CDKAL1: variants seen among roughly 807,000 people sequenced by gnomAD.
CDKAL1 encodes the protein threonylcarbamoyladenosine tRNA methylthiotransferase.
A neutral mutation model predicts 68.2 loss-of-function variants in CDKAL1; 32 were observed. The observed-to-expected ratio is 0.47, with a 90% CI of 0.35 to 0.63. The LOEUF (loss-of-function observed/expected upper bound fraction) is 0.63. Among genes scored for constraint, CDKAL1 ranks in the 30% least tolerant of loss-of-function variants. The pLI is 0.00. For synonymous variants in CDKAL1, 234 were observed against 244.3 expected (o/e 0.96, Z 0.39); for missense variants, 606 against 696.7 (o/e 0.87, Z 1.47).
At chr6:20,682,415 G>C (rs1223349366) in intron 5 of CDKAL1, among the ~76,000 whole-genome samples, 8 of 152,138 alleles carry the variant, frequency 5.3e-5, no homozygotes, top group Admixed American at 5.2e-4. Flanking sequence ...ATTGACCCAG[G>C]GTTCCACAGC....
intron 9 of CDKAL1, among the ~76,000 whole-genome samples, chr6:20,901,137 G>A (rs1761941284): frequency 6.6e-6 from 1 of 152,090 alleles, no homozygotes; most frequent in Non-Finnish European, 1.5e-5. Flanking sequence ...ACAGGAGAAC[G>A]GGCATGTGTC....
chr6:20,810,627 G>GT (rs1776769287), intron 8 of CDKAL1, among the ~76,000 whole-genome samples: 2 of 134,672 alleles, frequency 1.5e-5, no homozygotes, highest in South Asian at 2.7e-4. Context: ...TGTATGTATG[G>GT]GTGTGTGTGT....
intron 11 of CDKAL1, among the ~76,000 whole-genome samples, chr6:21,010,322 G>A (rs1459690054): frequency 6.6e-6 from 1 of 152,206 alleles, no homozygotes; most frequent in Non-Finnish European, 1.5e-5. Flanking sequence ...TTAACATGTT[G>A]TGAAGCTATT....
At chr6:20,741,048 T>C (rs551285968) in intron 6 of CDKAL1, among the ~76,000 whole-genome samples, 2 of 152,094 alleles carry the variant, frequency 1.3e-5, no homozygotes, top group Admixed American at 1.3e-4. Flanking sequence ...ATTTCTCTAG[T>C]ATGGCAAAAG....
chr6:21,217,442 G>C (rs1044776582), intron 15 of CDKAL1, among the ~76,000 whole-genome samples: 6 of 151,032 alleles, frequency 4.0e-5, no homozygotes, highest in African/African-American at 1.5e-4. Flanking sequence ...CTATAGGCAT[G>C]CACCACCATA....
chr6:21,217,820 G>C (rs530743306), intron 15 of CDKAL1, among the ~76,000 whole-genome samples: 1 of 152,142 alleles, frequency 6.6e-6, no homozygotes, highest in Admixed American at 6.5e-5. Context: ...ACGGGAACTC[G>C]CTGTGTTGCC....
intron 15 of CDKAL1, among the ~76,000 whole-genome samples, chr6:21,205,934 A>G (rs1286805964): frequency 4.3e-5 from 6 of 138,876 alleles, no homozygotes; most frequent in Admixed American, 7.8e-5. Flanking sequence ...TCCCGGGTTC[A>G]CGCCATTCTC....
intron 13 of CDKAL1, among the ~76,000 whole-genome samples, chr6:21,117,926 C>T (rs1194558938): frequency 1.3e-5 from 2 of 152,166 alleles, no homozygotes; most frequent in Non-Finnish European, 2.9e-5. Flanking sequence ...TACAGTTTTT[C>T]AAACTTTTAT....
chr6:20,583,223 ACT>A (rs1350952070), intron 4 of CDKAL1, among the ~76,000 whole-genome samples: 3 of 151,796 alleles, frequency 2.0e-5, no homozygotes, highest in Admixed American at 6.6e-5. Context: ...CGTGAAGTGT[ACT>A]CTTTTTACCC....
At chr6:20,839,448 T>C (rs1398189272) in intron 8 of CDKAL1, among the ~76,000 whole-genome samples, 3 of 152,208 alleles carry the variant, frequency 2.0e-5, no homozygotes, top group African/African-American at 7.2e-5. Context: ...TATGTGTGTG[T>C]GCATTTTAAG....
chr6:20,597,152 G>A (rs547669228), intron 4 of CDKAL1, among the ~76,000 whole-genome samples: 11 of 151,746 alleles, frequency 7.2e-5, no homozygotes, highest in African/African-American at 1.2e-4. Flanking sequence ...TTTTTCAGAC[G>A]GAGTCTCGCT....
intron 8 of CDKAL1, among the ~76,000 whole-genome samples, chr6:20,788,532 C>T (rs1775768111): frequency 6.6e-6 from 1 of 152,186 alleles, no homozygotes; most frequent in Non-Finnish European, 1.5e-5. Flanking sequence ...AAGAGCTCTG[C>T]ACTTGGAGTT....
rs1211722977 is a variant in CDKAL1, at chr6:20,589,267, C to T, written c.286+40562C>T. ...TAATGACAAAAAAATACTAATCTTG[C>T]ATATTAATCTTGTTTTTACTTCAGT... On this transcript the variant is annotated intron_variant, in intron 4 of 15. Coordinates refer to ENST00000274695, the MANE Select transcript of CDKAL1 (RefSeq NM_017774.3). Among the ~76,000 whole-genome samples, 3 of 152,140 alleles carry T rather than the reference C, an allele frequency of 2.0e-5. No individual in the cohort carries two copies. In the East Asian group the frequency reaches 5.8e-4, roughly 29 times the overall value.
chr6:21,110,740 C>T (rs1044877674), intron 13 of CDKAL1, among the ~76,000 whole-genome samples: 2 of 152,144 alleles, frequency 1.3e-5, no homozygotes, highest in Admixed American at 1.3e-4. Flanking sequence ...TGGAGGATCA[C>T]TTGAGCGCAG....
At chr6:20,814,421 A>G (rs2150428538) in intron 8 of CDKAL1, among the ~76,000 whole-genome samples, 1 of 152,274 alleles carries the variant, frequency 6.6e-6, no homozygotes, top group Admixed American at 6.5e-5. Flanking sequence ...CTGGGACTAT[A>G]GGCACTTGCC....
At chr6:20,736,638 G>C (rs1773206569) in intron 5 of CDKAL1, among the ~76,000 whole-genome samples, 1 of 152,000 alleles carries the variant, frequency 6.6e-6, no homozygotes, top group Non-Finnish European at 1.5e-5. Flanking sequence ...CGGGCCTGGT[G>C]GTGGGCACCT....
At chr6:21,141,750 G>A (rs188678972) in intron 13 of CDKAL1, among the ~76,000 whole-genome samples, 90 of 152,266 alleles carry the variant, frequency 5.9e-4, no homozygotes, top group Middle Eastern at 3.4e-3. Flanking sequence ...GGCTTTATTC[G>A]CTCAGTAGCC....
chr6:20,996,454 C>A (rs535433877), intron 10 of CDKAL1, among the ~76,000 whole-genome samples: 6 of 152,124 alleles, frequency 3.9e-5, no homozygotes, highest in Non-Finnish European at 8.8e-5. Context: ...TATTTAAAGG[C>A]CTTCGTCAGG....
chr6:20,786,411 G>T (rs866101876), intron 8 of CDKAL1, among the ~76,000 whole-genome samples: 1 of 151,820 alleles, frequency 6.6e-6, no homozygotes, highest in Admixed American at 6.6e-5. Context: ...GTCAACATGT[G>T]CATGAATGGA....
Sources: gnomAD v4.1 joint callset for allele counts (sites outside exome capture counted in the v4.1 genomes callset) on GRCh38, gnomAD v4.1.1 for gene constraint, MANE v1.5 for transcripts, NCBI Gene and HGNC (gene_info 2026-07-23, HGNC 2026-07-21) for gene names.